The following STK31 variants were observed in gnomAD, a reference collection of about 807,000 sequenced individuals.
STK31 encodes the protein serine/threonine kinase 31.
In STK31, 89 loss-of-function variants were observed where a neutral mutation model predicts 129.7. The ratio of observed to expected loss-of-function variants is 0.69; its 90% CI spans 0.58 to 0.82. The LOEUF is 0.82. STK31 is among the 40% of genes least tolerant of loss of function. The pLI is 0.00. For synonymous variants in STK31, 448 were observed against 395.3 expected, an observed-to-expected ratio of 1.13 and a Z score of -1.58; for missense variants, 1,187 against 1,176.4, an observed-to-expected ratio of 1.01 and a Z score of -0.13.
chr7:23,766,192 A>G (rs1789813041), intron 11 of STK31, among the ~76,000 whole-genome samples: 1 of 152,230 alleles, frequency 6.6e-6, no homozygotes, highest in Admixed American at 6.5e-5. Context: ...TGACTATAAA[A>G]TAGCAAGTTC....
chr7:23,793,874 T>G (rs1347252259), intron 22 of STK31, among the ~76,000 whole-genome samples: 1 of 152,138 alleles, frequency 6.6e-6, no homozygotes, highest in Non-Finnish European at 1.5e-5. Flanking sequence ...CAATTCCACT[T>G]CTAGATATTT....
chr7:23,802,088 G>C (rs1792409254), intron 22 of STK31, among the ~76,000 whole-genome samples: 2 of 152,054 alleles, frequency 1.3e-5, no homozygotes, highest in South Asian at 4.2e-4. Context: ...CGAGAGAAAG[G>C]AAAAATAGAC....
chr7:23,779,285 G>A (rs1177495887), intron 15 of STK31, among the ~76,000 whole-genome samples: 2 of 152,170 alleles, frequency 1.3e-5, no homozygotes, highest in African/African-American at 2.4e-5. Flanking sequence ...GTCCCCTGCT[G>A]GGAGGTGTCT....
At chr7:23,788,973 T>C (rs1159036575) in intron 21 of STK31, among the ~76,000 whole-genome samples, 1 of 152,144 alleles carries the variant, frequency 6.6e-6, no homozygotes. Flanking sequence ...TTCCCACTTC[T>C]TCTCAAGCCT....
intron 8 of STK31, among the ~76,000 whole-genome samples, chr7:23,738,609 C>T (rs764745877): frequency 6.6e-5 from 10 of 151,742 alleles, no homozygotes; most frequent in Non-Finnish European, 1.3e-4. Flanking sequence ...TATTTATATC[C>T]CCAATGGCAT....
At chr7:23,729,391 T>A (rs1047997874) in intron 6 of STK31, 142 bp downstream of exon 6, 6 of 712,336 alleles carry the variant, frequency 8.4e-6, no homozygotes, top group Non-Finnish European at 1.3e-5. Context: ...AGAAAGCAAT[T>A]ATATATTTAT....
rs754729744 is a variant in STK31 at position 23,830,116 on chromosome 7, A to G, written c.2830-2020A>G. Among the ~76,000 whole-genome samples the G allele has an allele frequency of 1.8e-4, 28 of 151,982 alleles. 1 individual carries two copies. Among genetic ancestry groups the G allele is most frequent in the Non-Finnish European group, 3.4e-4 (23 of 68,000 alleles). ...AGGCGCCCGCCACAACGCCTAGCTA[A>G]TTTTATGTTTTGTATTTTTGTGATA... On this transcript the variant is annotated intron_variant, in intron 23 of 23. Coordinates refer to ENST00000355870, the MANE Select transcript of STK31 (RefSeq NM_031414.5).
At chr7:23,733,173 A>G (rs1262823704) in intron 6 of STK31, among the ~76,000 whole-genome samples, 1 of 152,132 alleles carries the variant, frequency 6.6e-6, no homozygotes, top group Non-Finnish European at 1.5e-5. Flanking sequence ...AACCTAAAGT[A>G]TTATAGGAAT....
At chr7:23,717,158 T>C (rs1786394065) in intron 3 of STK31, among the ~76,000 whole-genome samples, 1 of 133,638 alleles carries the variant, frequency 7.5e-6, no homozygotes, top group Non-Finnish European at 1.6e-5. Flanking sequence ...CCATCAAATG[T>C]CCCAGGATCA....
intron 15 of STK31, among the ~76,000 whole-genome samples, chr7:23,778,739 T>C (rs1277106534): frequency 2.0e-5 from 3 of 152,070 alleles, no homozygotes; most frequent in African/African-American, 7.2e-5. Flanking sequence ...CGTCTAACCT[T>C]TTTTCAAGGT....
chr7:23,755,649 T>C (rs1250615130), intron 10 of STK31, among the ~76,000 whole-genome samples: 1 of 152,240 alleles, frequency 6.6e-6, no homozygotes, highest in Non-Finnish European at 1.5e-5. Flanking sequence ...CATTTAAGTC[T>C]TTAATCCATC....
chr7:23,807,609 A>C (rs941618423), intron 22 of STK31, among the ~76,000 whole-genome samples: 1 of 152,070 alleles, frequency 6.6e-6, no homozygotes. Flanking sequence ...AAGTTCAGCA[A>C]TTATTTACTC....
Position 23,769,044 on chromosome 7 carries a change from C to T in STK31, c.1466C>T (p.Ala489Val). The T allele has an allele frequency of 1.9e-6, 3 of 1,612,778 alleles. No individual in the cohort carries two copies. The South Asian group carries it at 3.3e-5, about 18-fold the overall frequency. Residue 489 changes from alanine (A) to valine (V), a missense_variant, in exon 12 of 24, where the codon GCA (alanine) becomes GTA (valine). Coordinates refer to ENST00000355870, the MANE Select transcript of STK31 (RefSeq NM_031414.5). ...GTGTATGGACAAGCCAAAGAAGGAG[C>T]AAATTCTGATGAAATACTTAAAAAA... Reference protein sequence around the residue: ...EAVYGQAKEGANSDEILKKFY... With the variant: ...EAVYGQAKEGVNSDEILKKFY...
intron 6 of STK31, among the ~76,000 whole-genome samples, chr7:23,733,988 T>G (rs1046839801): frequency 1.3e-5 from 2 of 152,200 alleles, no homozygotes; most frequent in African/African-American, 4.8e-5. Flanking sequence ...TTTTACCCTC[T>G]ATACTACTGT....
chr7:23,710,108 G>A (rs1380760197), upstream of STK31: 7 of 1,086,266 alleles, frequency 6.4e-6, no homozygotes, highest in Non-Finnish European at 9.2e-6. Context: ...GCCAGCGTCA[G>A]GCGGCTCCCG....
At chr7:23,806,901 G>GAAAAAAAAAAAAAAAAAAAAAAAA (rs34751124) in intron 22 of STK31, among the ~76,000 whole-genome samples, 1 of 75,972 alleles carries the variant, frequency 1.3e-5, no homozygotes. Context: ...CTCCGTCTCA[G>GAAAAAAAAAAAAAAAAAAAAAAAA]AAAAAAAAAA....
intron 6 of STK31, among the ~76,000 whole-genome samples, chr7:23,733,061 GATATA>G (rs893198340): frequency 9.2e-5 from 14 of 151,934 alleles, no homozygotes; most frequent in East Asian, 1.9e-4. Context: ...ATAATATATT[GATATA>G]ATATATTGAA....
chr7:23,779,424 T>G (rs1360924163), intron 15 of STK31, among the ~76,000 whole-genome samples: 1 of 152,184 alleles, frequency 6.6e-6, no homozygotes, highest in African/African-American at 2.4e-5. Flanking sequence ...TAAAGTCTGC[T>G]GAAGCTATGC....
intron 3 of STK31, 115 bp downstream of exon 3, chr7:23,712,401 T>G: frequency 2.0e-6 from 2 of 980,212 alleles, no homozygotes; most frequent in Non-Finnish European, 3.1e-6. Flanking sequence ...TTGCCTAATA[T>G]TTATTGAATT....
Sources: gnomAD v4.1 joint callset for allele counts (sites outside exome capture counted in the v4.1 genomes callset) on GRCh38, gnomAD v4.1.1 for gene constraint, MANE v1.5 for transcripts, NCBI Gene and HGNC (gene_info 2026-07-23, HGNC 2026-07-21) for gene names.